The following AKAP6 variants were observed in gnomAD, a reference collection of about 807,000 sequenced individuals.
AKAP6 encodes the protein A-kinase anchor protein 6.
In AKAP6, 58 loss-of-function variants were observed where a neutral mutation model predicts 188.5. The observed-to-expected ratio is 0.31, with a 90% CI of 0.25 to 0.38. The LOEUF is 0.38. Ranked by LOEUF, AKAP6 falls within the 10% of genes least tolerant of loss-of-function variation. The pLI is 1.00. For missense variants in AKAP6, 2,710 were observed against 2,740.0 expected, an observed-to-expected ratio of 0.99 and a Z score of 0.24; for synonymous variants, 989 against 998.6, an observed-to-expected ratio of 0.99 and a Z score of 0.18.
intron 7 of AKAP6, 114 bp from the exon 8 acceptor site, chr14:32,678,197 G>T (rs545516553): frequency 2.7e-6 from 3 of 1,103,960 alleles, no homozygotes; most frequent in Non-Finnish European, 3.7e-6. Context: ...AATCCAACTC[G>T]AAAAGGAGCA....
In AKAP6 at chr14:32,698,400, C is replaced by T. The variant is rs145900564; in HGVS notation, c.3000+2290C>T. ...AAGGAGTAAAGCTTTTCAATTGGTG[C>T]CCAGGCCTTGCCAGGTTTTAAATAC... On this transcript the variant is annotated intron_variant, in intron 9 of 13. Transcript: ENST00000280979. Among the ~76,000 whole-genome samples the T allele has an allele frequency of 1.2e-4, 19 of 152,164 alleles. No homozygotes were observed. The East Asian group carries it at 3.7e-3, about 29-fold the overall frequency.
chr14:32,388,688 G>T (rs1957645), intron 1 of AKAP6, among the ~76,000 whole-genome samples: 3,071 of 152,136 alleles, frequency 0.02, 48 homozygotes, highest in Admixed American at 0.03. Flanking sequence ...TTGATTTCCA[G>T]TTTTATTCCA....
intron 3 of AKAP6, among the ~76,000 whole-genome samples, chr14:32,536,627 A>G (rs1036234067): frequency 6.6e-6 from 1 of 152,232 alleles, no homozygotes; most frequent in African/African-American, 2.4e-5. Context: ...AGTGAATCAA[A>G]TGGACATTAG....
intron 12 of AKAP6, among the ~76,000 whole-genome samples, chr14:32,809,791 C>T (rs1399691090): frequency 2.0e-5 from 3 of 152,104 alleles, no homozygotes; most frequent in Non-Finnish European, 2.9e-5. Context: ...AAGGGATCTC[C>T]GTTTATCCAA....
chr14:32,392,563 G>A (rs1888746873), intron 1 of AKAP6, among the ~76,000 whole-genome samples: 1 of 152,090 alleles, frequency 6.6e-6, no homozygotes. Context: ...CTAAGATCTT[G>A]GTTTCTAAAT....
chr14:32,574,262 G>T (rs1884625065), intron 4 of AKAP6, among the ~76,000 whole-genome samples: 1 of 152,096 alleles, frequency 6.6e-6, no homozygotes, highest in South Asian at 2.1e-4. Context: ...AAGTTGTGAG[G>T]GTGGGATATA....
chr14:32,461,311 C>T (rs1390877535), intron 2 of AKAP6, among the ~76,000 whole-genome samples: 1 of 152,194 alleles, frequency 6.6e-6, no homozygotes, highest in African/African-American at 2.4e-5. Context: ...GTCAAAGACA[C>T]CTCATTCAGG....
At chr14:32,669,908 C>G (rs1566636550) in intron 7 of AKAP6, among the ~76,000 whole-genome samples, 1 of 151,938 alleles carries the variant, frequency 6.6e-6, no homozygotes, top group Non-Finnish European at 1.5e-5. Context: ...ACCAGCCTGG[C>G]CAACATGGTG....
intron 2 of AKAP6, among the ~76,000 whole-genome samples, chr14:32,471,663 A>C (rs1878789929): frequency 6.6e-6 from 1 of 152,166 alleles, no homozygotes; most frequent in South Asian, 2.1e-4. Flanking sequence ...TGTACCCCCC[A>C]CCAGGGCTAT....
intron 1 of AKAP6, among the ~76,000 whole-genome samples, chr14:32,330,502 G>A (rs1036791210): frequency 4.6e-5 from 7 of 151,976 alleles, no homozygotes; most frequent in Non-Finnish European, 2.9e-5. Context: ...GAAAGGAGGA[G>A]GCACATGTCA....
chr14:32,435,392 C>T (rs1890347493), intron 2 of AKAP6, among the ~76,000 whole-genome samples: 1 of 152,158 alleles, frequency 6.6e-6, no homozygotes, highest in East Asian at 1.9e-4. Context: ...TATTGAATTA[C>T]ATTAACAACT....
intron 7 of AKAP6, among the ~76,000 whole-genome samples, chr14:32,675,406 A>G (rs1014243666): frequency 2.6e-5 from 4 of 152,216 alleles, no homozygotes; most frequent in Non-Finnish European, 2.9e-5. Flanking sequence ...TCACTTTTTA[A>G]AGTATCCATT....
chr14:32,833,967 C>CT lies in AKAP6; in HGVS notation c.*4168dup, dbSNP rs1403594806. ...TACTTCATCTCTGTATACACACACA[C>CT]TTTTTTGTATGATTAAATCATTTGA... is the stretch of plus-strand genomic sequence containing the variant. On this transcript the variant is annotated 3_prime_UTR_variant, in exon 14 of 14. Coordinates refer to ENST00000280979, the MANE Select transcript of AKAP6 (RefSeq NM_004274.5). 2 of 152,166 alleles carry CT rather than the reference C, an allele frequency of 1.3e-5. No individual in the cohort carries two copies. The highest frequency in any genetic ancestry group is 1.3e-4 in the Admixed American group (2 of 15,280). 9.4% of individuals were successfully genotyped at this position (152,166 alleles called of 1,614,324 possible). A position where few individuals can be genotyped will look rare whatever the true frequency, so the allele number is the denominator to read the frequency against.
intron 8 of AKAP6, among the ~76,000 whole-genome samples, chr14:32,682,818 A>G (rs1306494347): frequency 1.3e-5 from 2 of 152,164 alleles, no homozygotes; most frequent in Admixed American, 6.5e-5. Flanking sequence ...CCATTGCTTC[A>G]GTGGTTTTCA....
chr14:32,735,185 T>G (rs866035498), intron 10 of AKAP6, among the ~76,000 whole-genome samples: 12 of 152,182 alleles, frequency 7.9e-5, no homozygotes, highest in Admixed American at 3.3e-4. Flanking sequence ...AAAATGGAAT[T>G]TAATTCTCCG....
chr14:32,533,636 A>T (rs908345216), intron 2 of AKAP6, among the ~76,000 whole-genome samples: 2 of 152,182 alleles, frequency 1.3e-5, no homozygotes, highest in African/African-American at 4.8e-5. Flanking sequence ...ACAGAACAAC[A>T]CAGAAATGAA....
intron 11 of AKAP6, among the ~76,000 whole-genome samples, chr14:32,768,467 C>T (rs2032785752): frequency 6.6e-6 from 1 of 152,094 alleles, no homozygotes; most frequent in African/African-American, 2.4e-5. Context: ...TACATAATTG[C>T]ACTGGAAATT....
intron 2 of AKAP6, among the ~76,000 whole-genome samples, chr14:32,449,864 CAG>C (rs1890879422): frequency 6.6e-6 from 1 of 152,186 alleles, no homozygotes; most frequent in Non-Finnish European, 1.5e-5. Flanking sequence ...CAAACTGCCT[CAG>C]AGATTTCAGA....
chr14:32,377,191 G>A (rs145229806), intron 1 of AKAP6, among the ~76,000 whole-genome samples: 464 of 152,318 alleles, frequency 3.0e-3, no homozygotes, highest in Admixed American at 5.2e-3. Context: ...AACTAAATCA[G>A]TGCCTATCTA....
Sources: allele counts gnomAD v4.1 joint callset (sites outside exome capture counted in the v4.1 genomes callset), GRCh38; gene constraint gnomAD v4.1.1; transcripts MANE v1.5; gene names NCBI Gene and HGNC (gene_info 2026-07-23, HGNC 2026-07-21).